SYN3: variants seen among roughly 807,000 people sequenced by gnomAD.
The protein encoded by SYN3 is synapsin-3.
In SYN3, 35 loss-of-function variants were observed where a neutral mutation model predicts 65.8. The ratio of observed to expected loss-of-function variants is 0.53; its 90% CI spans 0.41 to 0.70. SYN3 has a LOEUF of 0.70. Among genes scored for constraint, SYN3 ranks in the 30% least tolerant of loss-of-function variants. The pLI is 0.00. For missense variants in SYN3, 680 were observed against 749.0 expected, an observed-to-expected ratio of 0.91 and a Z score of 1.08; for synonymous variants, 270 against 292.9, an observed-to-expected ratio of 0.92 and a Z score of 0.80.
chr22:32,583,369 C>A (rs2058976936), intron 7 of SYN3: 1 of 152,200 alleles, frequency 6.6e-6, no homozygotes, highest in Non-Finnish European at 1.5e-5. Flanking sequence ...GTGCCCCACG[C>A]CTCAGTAGGG....
chr22:32,986,109 C>A (rs2052519254), intron 2 of SYN3, among the ~76,000 whole-genome samples: 1 of 152,036 alleles, frequency 6.6e-6, no homozygotes, highest in African/African-American at 2.4e-5. Context: ...GTATCCAGCA[C>A]AATGAGCTAG....
chr22:33,029,039 CA>C (rs1237730746), intron 1 of SYN3, among the ~76,000 whole-genome samples: 203 of 133,986 alleles, frequency 1.5e-3, no homozygotes, highest in African/African-American at 1.4e-3. Context: ...GACTCTGTCT[CA>C]AAAAAAAAAA....
chr22:32,528,892 G>A lies in SYN3; in HGVS notation c.1212C>T (p.Pro404=). Residue 404 remains proline, a synonymous_variant, in exon 11 of 14, where the codon CCC becomes CCT. Coordinates refer to ENST00000358763, the MANE Select transcript of SYN3 (RefSeq NM_003490.4). ...SQLPMPGGTA[P]SPLRPWAPQI... ...GTCTTACCCAAGGTCTGAGGGGGGAGGGCGCTGTGCCTCCTGGCATCGGGA... is the reference window on the plus strand; with the variant it reads ...GTCTTACCCAAGGTCTGAGGGGGGAAGGCGCTGTGCCTCCTGGCATCGGGA... 2 of 1,614,172 alleles carry A rather than the reference G, an allele frequency of 1.2e-6. No homozygotes were observed. Among genetic ancestry groups the A allele is most frequent in the Non-Finnish European group, 1.7e-6 (2 of 1,180,042 alleles).
At chr22:32,757,694 C>T (rs1212098403) in intron 6 of SYN3, among the ~76,000 whole-genome samples, 4 of 152,212 alleles carry the variant, frequency 2.6e-5, no homozygotes, top group South Asian at 2.1e-4. Context: ...CAGTCTACTA[C>T]TCCATAAAGG....
At chr22:32,709,700 T>C (rs566417943) in intron 6 of SYN3, among the ~76,000 whole-genome samples, 1 of 152,298 alleles carries the variant, frequency 6.6e-6, no homozygotes, top group Admixed American at 6.5e-5. Context: ...CTTTTTCTTT[T>C]TTTTTCCCCC....
At chr22:32,824,128 A>G (rs760490728) in intron 6 of SYN3, among the ~76,000 whole-genome samples, 1 of 151,948 alleles carries the variant, frequency 6.6e-6, no homozygotes, top group Admixed American at 6.6e-5. Context: ...AATACAAAAA[A>G]TTAACCAGGT....
At chr22:32,617,003 A>G (rs926478634) in intron 6 of SYN3, among the ~76,000 whole-genome samples, 27 of 152,170 alleles carry the variant, frequency 1.8e-4, no homozygotes, top group Admixed American at 7.2e-4. Flanking sequence ...TGGAAGGTCA[A>G]TGGAAGGCGC....
At chr22:32,849,490 G>C in intron 6 of SYN3, 1 of 1,613,884 alleles carries the variant, frequency 6.2e-7, no homozygotes, top group Non-Finnish European at 8.5e-7. Flanking sequence ...GCTGGTAAAG[G>C]AGGGGCCCTT....
chr22:33,022,740 C>T (rs1017558822), intron 1 of SYN3, among the ~76,000 whole-genome samples: 4 of 151,950 alleles, frequency 2.6e-5, no homozygotes, highest in South Asian at 2.1e-4. Context: ...AGAGAGGAGA[C>T]GAGATTCTTC....
At chr22:32,840,260 A>G (rs1569266757) in intron 6 of SYN3, among the ~76,000 whole-genome samples, 1 of 152,170 alleles carries the variant, frequency 6.6e-6, no homozygotes, top group African/African-American at 2.4e-5. Context: ...TAAAACCAAG[A>G]TTAATATTTT....
chr22:32,548,232 C>A (rs910252843), intron 7 of SYN3, among the ~76,000 whole-genome samples: 2 of 152,160 alleles, frequency 1.3e-5, no homozygotes, highest in Non-Finnish European at 2.9e-5. Context: ...ACTTGCTGTT[C>A]CGAGCCTGCA....
chr22:32,932,297 A>G (rs2050654180), intron 3 of SYN3, among the ~76,000 whole-genome samples: 1 of 143,730 alleles, frequency 7.0e-6, no homozygotes, highest in African/African-American at 2.6e-5. Context: ...TGCTCCATCC[A>G]TCTGGTTACA....
chr22:32,669,609 G>A (rs1184638512), intron 6 of SYN3, among the ~76,000 whole-genome samples: 2 of 152,218 alleles, frequency 1.3e-5, no homozygotes, highest in African/African-American at 4.8e-5. Context: ...CAGCAGTGGT[G>A]GGCACGTTGT....
chr22:32,706,131 C>G (rs868833245), intron 6 of SYN3, among the ~76,000 whole-genome samples: 5 of 152,184 alleles, frequency 3.3e-5, no homozygotes, highest in African/African-American at 7.2e-5. Context: ...ACAACCTTGT[C>G]TTTTGCCGGT....
chr22:32,772,563 T>A (rs1432221631), intron 6 of SYN3, among the ~76,000 whole-genome samples: 2 of 152,236 alleles, frequency 1.3e-5, no homozygotes, highest in South Asian at 2.1e-4. Context: ...AATGTTAACT[T>A]ATTTGGAAAA....
chr22:32,567,035 C>T (rs1420830275), intron 7 of SYN3, among the ~76,000 whole-genome samples: 1 of 152,022 alleles, frequency 6.6e-6, no homozygotes, highest in African/African-American at 2.4e-5. Flanking sequence ...GGATTCTCTT[C>T]TTTGATGGGA....
chr22:32,635,072 A>G (rs1478870297), intron 6 of SYN3: 1 of 152,098 alleles, frequency 6.6e-6, no homozygotes, highest in East Asian at 1.9e-4. Context: ...AACCCTCATG[A>G]TGTTCTCAAC....
intron 6 of SYN3, among the ~76,000 whole-genome samples, chr22:32,730,131 T>C (rs1015526810): frequency 2.0e-5 from 3 of 152,204 alleles, no homozygotes; most frequent in African/African-American, 7.2e-5. Context: ...AGAAGTCACC[T>C]AGTCTACCGC....
Position 32,794,900 on chromosome 22 carries a change from A to C in SYN3, c.711+70015T>G, listed in dbSNP as rs1317981146. On this transcript the variant is annotated intron_variant, in intron 6 of 13. Coordinates refer to ENST00000358763, the MANE Select transcript of SYN3 (RefSeq NM_003490.4). ...AATATATTGGTGGCGGCTAGATTCCAGGCCAAGAGTGCATTGTGAACAAGG... is the reference window on the plus strand; with the variant it reads ...AATATATTGGTGGCGGCTAGATTCCCGGCCAAGAGTGCATTGTGAACAAGG... Among the ~76,000 whole-genome samples the C allele has an allele frequency of 3.3e-5, 5 of 152,330 alleles. No individual in the cohort carries two copies. The East Asian group carries it at 9.6e-4, about 29-fold the overall frequency.
Sources: gnomAD v4.1 joint callset for allele counts (sites outside exome capture counted in the v4.1 genomes callset) on GRCh38, gnomAD v4.1.1 for gene constraint, MANE v1.5 for transcripts, NCBI Gene and HGNC (gene_info 2026-07-23, HGNC 2026-07-21) for gene names.